PTPRN2: variants seen among roughly 807,000 people sequenced by gnomAD.
The protein encoded by PTPRN2 is receptor-type tyrosine-protein phosphatase N2.
In PTPRN2, 74 loss-of-function variants were observed where a neutral mutation model predicts 118.8. That is an observed-to-expected ratio of 0.62 (90% CI 0.52 to 0.76). The LOEUF (loss-of-function observed/expected upper bound fraction) is 0.76. Ranked by LOEUF, PTPRN2 falls within the 30% of genes least tolerant of loss-of-function variation. The probability of loss-of-function intolerance (pLI) is 0.00; values close to 1 mark genes in which losing one functional copy is unlikely to be tolerated. For synonymous variants in PTPRN2, 641 were observed against 608.0 expected, an observed-to-expected ratio of 1.05 and a Z score of -0.80; for missense variants, 1,481 against 1,394.4, an observed-to-expected ratio of 1.06 and a Z score of -0.99.
At position 158,489,771 on chromosome 7, in the gene PTPRN2, C is replaced by G. The variant is rs762094338; in HGVS notation, c.127G>C (p.Glu43Gln). 99 of 1,581,004 alleles carry G rather than the reference C, an allele frequency of 6.3e-5. No homozygotes were observed. The highest frequency in any genetic ancestry group is 8.1e-5 in the Non-Finnish European group (94 of 1,164,520). ...LPGRLGCLLE[E>Q]GLCGASEACV... ...GCCTCGGACGCTCCGCAGAGGCCCT[C>G]CTCGAGCAGGCAGCCTGCGGGGAAA... The change falls in exon 2 of 23, where the codon GAG (glutamate) becomes CAG (glutamine). Residue 43 changes from glutamate to glutamine, a missense_variant. By Grantham distance (29) the Glu-to-Gln change is conservative. Transcript: ENST00000389418.
chr7:158,417,042 TAA>T (rs71891644), intron 2 of PTPRN2, among the ~76,000 whole-genome samples: 66,811 of 151,546 alleles, frequency 0.44, 15,815 homozygotes, highest in East Asian at 0.76. Flanking sequence ...CCCCCTGTGC[TAA>T]GTCACAGTGC....
intron 11 of PTPRN2, among the ~76,000 whole-genome samples, chr7:158,043,202 A>AAAGTTCCT (rs148666706): frequency 0.025 from 3,790 of 152,246 alleles, 151 homozygotes; most frequent in African/African-American, 0.087. Flanking sequence ...ATACCAAAAA[A>AAAGTTCCT]AAGTTCCTAG....
chr7:157,549,747 A>T (rs1798501112), intron 21 of PTPRN2, among the ~76,000 whole-genome samples: 1 of 152,122 alleles, frequency 6.6e-6, no homozygotes, highest in African/African-American at 2.4e-5. Flanking sequence ...CAGGGTCCCG[A>T]CCTCTCCAGC....
intron 17 of PTPRN2, among the ~76,000 whole-genome samples, chr7:157,582,730 C>T (rs932100802): frequency 2.8e-4 from 42 of 151,792 alleles, no homozygotes; most frequent in Admixed American, 2.5e-3. Context: ...AAAAATTAGC[C>T]GGGTATCGTG....
chr7:157,659,499 C>T (rs1036181936), intron 13 of PTPRN2, among the ~76,000 whole-genome samples: 5 of 149,296 alleles, frequency 3.3e-5, no homozygotes, highest in East Asian at 2.0e-4. Context: ...CTATGGGGAC[C>T]GGGCAGAGAC....
chr7:157,780,431 G>A lies in PTPRN2; in HGVS notation c.1789-97494C>T, dbSNP rs1329315926. Among the ~76,000 whole-genome samples, 3 of 152,238 alleles carry A rather than the reference G, an allele frequency of 2.0e-5. No homozygotes were observed. Among genetic ancestry groups the A allele is most frequent in the Non-Finnish European group, 4.4e-5 (3 of 68,040 alleles). ...TCAGGAGTGTGAAGGAGGCTTGGCT[G>A]GCGGAGGGGCCGTGCTGCTGGATCA... is the stretch of plus-strand genomic sequence containing the variant. On this transcript the variant is annotated intron_variant, in intron 12 of 22. Transcript: ENST00000389418. This position sits in a 1 kb window ranked among gnomAD's most constrained non-coding sequence, Gnocchi z 4.5.
intron 12 of PTPRN2, among the ~76,000 whole-genome samples, chr7:157,824,912 C>A (rs778950095): frequency 2.0e-5 from 3 of 152,164 alleles, no homozygotes; most frequent in Non-Finnish European, 2.9e-5. Flanking sequence ...GCAGGCGGAT[C>A]ACGAGCGGCA....
intron 2 of PTPRN2, among the ~76,000 whole-genome samples, chr7:158,485,181 T>G (rs1035663438): frequency 2.6e-5 from 4 of 152,080 alleles, no homozygotes; most frequent in African/African-American, 4.8e-5. Context: ...GGTGTGTAGC[T>G]GAGCCATCCT....
chr7:157,659,375 G>A (rs1247710752), intron 13 of PTPRN2, among the ~76,000 whole-genome samples: 2 of 89,060 alleles, frequency 2.2e-5, no homozygotes, highest in African/African-American at 8.8e-5. Context: ...GTGGGGAAGG[G>A]GGGGACGGCC....
chr7:158,424,681 T>C (rs767443560), intron 2 of PTPRN2, among the ~76,000 whole-genome samples: 6 of 151,806 alleles, frequency 4.0e-5, no homozygotes, highest in Non-Finnish European at 4.4e-5. Context: ...GAGAGCAGAG[T>C]CAAGCACGAT....
chr7:157,614,127 A>T (rs10247739), intron 15 of PTPRN2: 3 of 464,310 alleles, frequency 6.5e-6, no homozygotes, highest in Admixed American at 4.8e-5. Flanking sequence ...AGGAGGACGG[A>T]GAGGAGGGGG....
intron 12 of PTPRN2, among the ~76,000 whole-genome samples, chr7:157,750,414 C>G (rs1328384555): frequency 6.6e-6 from 1 of 152,118 alleles, no homozygotes; most frequent in African/African-American, 2.4e-5. Context: ...ACAGGAATGT[C>G]CCAGCCTGCT....
chr7:158,007,203 G>A lies in PTPRN2; in HGVS notation c.1723+74095C>T, dbSNP rs540090472. Among the ~76,000 whole-genome samples, 17 of 152,280 alleles carry A rather than the reference G, an allele frequency of 1.1e-4. No homozygotes were observed. The South Asian group carries it at 2.9e-3, about 26-fold the overall frequency. Reference sequence around the variant, plus strand: ...AAAGACACTTTCTCCAAATACAGTCGCCTTATGCGGCCCCGGGTGTTGGCG... The same window carrying A: ...AAAGACACTTTCTCCAAATACAGTCACCTTATGCGGCCCCGGGTGTTGGCG... On this transcript the variant is annotated intron_variant, in intron 11 of 22. Transcript: ENST00000389418.
intron 5 of PTPRN2, among the ~76,000 whole-genome samples, chr7:158,188,634 G>C (rs1307908559): frequency 3.3e-4 from 43 of 130,116 alleles, no homozygotes; most frequent in African/African-American, 9.7e-4. Context: ...GATGGGGAAG[G>C]CCGCCACGCT....
chr7:158,067,367 AG>A (rs1445177560), intron 11 of PTPRN2, among the ~76,000 whole-genome samples: 1 of 152,052 alleles, frequency 6.6e-6, no homozygotes, highest in Non-Finnish European at 1.5e-5. Context: ...GGCAGGGGGC[AG>A]GGGTTTGTCT....
rs1041135153 is a variant in PTPRN2 at position 157,831,535 on chromosome 7, T to A, written c.1788+67138A>T. Among the ~76,000 whole-genome samples, 1 of 152,070 alleles carries A rather than the reference T, an allele frequency of 6.6e-6. No homozygotes were observed. The highest frequency in any genetic ancestry group is 1.5e-5 in the Non-Finnish European group (1 of 68,008). On this transcript the variant is annotated intron_variant, in intron 12 of 22. Transcript: ENST00000389418. This position sits in a 1 kb window ranked among gnomAD's most constrained non-coding sequence, Gnocchi z 4.8. The stretch of plus-strand genomic sequence containing the variant: ...CACGGCCCCTCTCACCCTGCAGTAC[T>A]GAGCAGGGTGAGGCAGGGAAGAGGA...
At chr7:157,753,384 C>T (rs1801596670) in intron 12 of PTPRN2, among the ~76,000 whole-genome samples, 1 of 152,182 alleles carries the variant, frequency 6.6e-6, no homozygotes, top group Admixed American at 6.5e-5. Context: ...CAGTTTGGTG[C>T]AAGCTTTTCC....
chr7:158,043,185 G>A lies in PTPRN2; in HGVS notation c.1723+38113C>T, dbSNP rs530347308. 1.3e-3 allele frequency among the ~76,000 whole-genome samples: 199 copies of A among 151,886 alleles called. 1 individual carries two copies. The highest frequency in any genetic ancestry group is 4.6e-3 in the African/African-American group (191 of 41,318). ...ACATAGCAAGACCCCATCTCATGAA[G>A]AAAAAAATACCAAAAAAAAGTTCCT... On this transcript the variant is annotated intron_variant, in intron 11 of 22. Transcript: ENST00000389418.
chr7:158,231,515 C>T lies in PTPRN2; in HGVS notation c.278-26242G>A, dbSNP rs147886434. Among the ~76,000 whole-genome samples the T allele has an allele frequency of 5.6e-3, 852 of 152,236 alleles. 5 individuals are homozygous for T. Among genetic ancestry groups the T allele is most frequent in the African/African-American group, 0.019 (797 of 41,526 alleles). On this transcript the variant is annotated intron_variant, in intron 3 of 22. Transcript: ENST00000389418. ...CCAAAGGAAGAGATAGCCCGCAATACAATAATGGCAGGGCACTTCAACACC... is the reference window on the plus strand; with the variant it reads ...CCAAAGGAAGAGATAGCCCGCAATATAATAATGGCAGGGCACTTCAACACC...
Sources: gnomAD v4.1 joint callset for allele counts (sites outside exome capture counted in the v4.1 genomes callset) on GRCh38, gnomAD v4.1.1 for gene constraint, Gnocchi (gnomAD v3.1) non-coding constraint, MANE v1.5 for transcripts, NCBI Gene and HGNC (gene_info 2026-07-23, HGNC 2026-07-21) for gene names.